Variants in PARD6G observed in about 807,000 individuals in gnomAD.
The protein encoded by PARD6G is partitioning defective 6 homolog gamma.
In PARD6G, 7 loss-of-function variants were observed where a neutral mutation model predicts 10.7. The ratio of observed to expected loss-of-function variants is 0.66; its 90% CI spans 0.37 to 1.23. The LOEUF (loss-of-function observed/expected upper bound fraction) is 1.23. Among genes scored for constraint, PARD6G ranks in the 50% most tolerant of loss-of-function variants. The pLI is 0.02. For missense variants in PARD6G, 548 were observed against 571.8 expected, an observed-to-expected ratio of 0.96 and a Z score of 0.42; for synonymous variants, 287 against 269.4, an observed-to-expected ratio of 1.07 and a Z score of -0.64.
chr18:80,163,527 G>T (rs907941052), intron 2 of PARD6G, among the ~76,000 whole-genome samples: 8 of 152,150 alleles, frequency 5.3e-5, no homozygotes, highest in African/African-American at 9.7e-5. Flanking sequence ...CATCCCGGGA[G>T]CCCCACCCCT....
At chr18:80,178,874 A>G (rs1383567265) in intron 2 of PARD6G, among the ~76,000 whole-genome samples, 1 of 152,102 alleles carries the variant, frequency 6.6e-6, no homozygotes, top group African/African-American at 2.4e-5. Flanking sequence ...AACAGTGTGA[A>G]GGTGTCAAGC....
chr18:80,238,491 C>CAA (rs537780246), intron 1 of PARD6G, among the ~76,000 whole-genome samples: 2,151 of 131,620 alleles, frequency 0.016, 52 homozygotes, highest in African/African-American at 0.059. Context: ...TAAAGTATAA[C>CAA]AAAAAAAAAA....
chr18:80,203,498 C>A (rs965421287), intron 1 of PARD6G, among the ~76,000 whole-genome samples: 1 of 152,154 alleles, frequency 6.6e-6, no homozygotes, highest in African/African-American at 2.4e-5. Context: ...GTCATCAACA[C>A]AGATGAATAT....
At chr18:80,208,699 TC>T (rs1343553511) in intron 1 of PARD6G, among the ~76,000 whole-genome samples, 1 of 151,908 alleles carries the variant, frequency 6.6e-6, no homozygotes, top group African/African-American at 2.4e-5. Context: ...GCCCAGGAGT[TC>T]CAGGTCAGCC....
intron 1 of PARD6G, among the ~76,000 whole-genome samples, chr18:80,226,471 T>G (rs1366004455): frequency 6.6e-6 from 1 of 152,192 alleles, no homozygotes; most frequent in Non-Finnish European, 1.5e-5. Flanking sequence ...GCTTTTAATG[T>G]GCCCTTCTAG....
At position 80,247,009 on chromosome 18, in the gene PARD6G, G is replaced by A. The variant is rs999185406; in HGVS notation, c.72+268C>T. Among the ~76,000 whole-genome samples, 11 of 152,118 alleles carry A rather than the reference G, an allele frequency of 7.2e-5. No individual in the cohort carries two copies. Among genetic ancestry groups the A allele is most frequent in the African/African-American group, 2.4e-5 (1 of 41,432 alleles). ...CTCGTGGAACAAAAGAGCAGCTCCCGCGGAGCGGGTCCAGAGTCTGCCCGG... is the reference window on the plus strand; with the variant it reads ...CTCGTGGAACAAAAGAGCAGCTCCCACGGAGCGGGTCCAGAGTCTGCCCGG... On this transcript the variant is annotated intron_variant, in intron 1 of 2. Coordinates refer to ENST00000353265, the MANE Select transcript of PARD6G (RefSeq NM_032510.4). This position sits in a 1 kb window ranked among gnomAD's most constrained non-coding sequence, Gnocchi z 4.2.
At position 80,177,084 on chromosome 18, in the gene PARD6G, A is replaced by G. The variant is rs72980311; in HGVS notation, c.296-16478T>C. The stretch of plus-strand genomic sequence containing the variant: ...ATCACAGCCCAAATGGAAAGCGCGC[A>G]CACACACACACACGGGATAAATCAC... On this transcript the variant is annotated intron_variant, in intron 2 of 2. Coordinates refer to ENST00000353265, the MANE Select transcript of PARD6G (RefSeq NM_032510.4). Among the ~76,000 whole-genome samples, 1,366 of 149,262 alleles carry G rather than the reference A, an allele frequency of 9.2e-3. 12 individuals carry two copies. Among genetic ancestry groups the G allele is most frequent in the Admixed American group, 0.021 (320 of 14,944 alleles).
At position 80,229,155 on chromosome 18, in the gene PARD6G, G is replaced by A. The variant is rs770451724; in HGVS notation, c.72+18122C>T. Among the ~76,000 whole-genome samples the A allele has an allele frequency of 2.6e-5, 4 of 152,244 alleles. No homozygotes were observed. In the South Asian group the frequency reaches 8.3e-4, roughly 32 times the overall value. On this transcript the variant is annotated intron_variant, in intron 1 of 2. Coordinates refer to ENST00000353265, the MANE Select transcript of PARD6G (RefSeq NM_032510.4). ...GGGTTTCACCATGTTGGCCAGGCTG[G>A]TCTTGCACTCCTGACCTTGTGATCC...
intron 2 of PARD6G, among the ~76,000 whole-genome samples, chr18:80,185,792 C>T (rs1030865689): frequency 7.1e-6 from 1 of 140,990 alleles, no homozygotes; most frequent in African/African-American, 2.6e-5. Flanking sequence ...GCTCGCACAC[C>T]CTCACACACG....
chr18:80,204,825 C>T (rs1967040519), intron 1 of PARD6G, among the ~76,000 whole-genome samples: 1 of 152,084 alleles, frequency 6.6e-6, no homozygotes, highest in Admixed American at 6.6e-5. Flanking sequence ...GTGGCACACA[C>T]CAGTAATCCC....
At chr18:80,213,907 G>C (rs552811396) in intron 1 of PARD6G, among the ~76,000 whole-genome samples, 2 of 137,872 alleles carry the variant, frequency 1.5e-5, no homozygotes, top group East Asian at 4.2e-4. Context: ...GCAATGAGCC[G>C]AGATCATGCC....
chr18:80,211,075 T>C (rs982662470), intron 1 of PARD6G, among the ~76,000 whole-genome samples: 1 of 152,216 alleles, frequency 6.6e-6, no homozygotes, highest in Non-Finnish European at 1.5e-5. Context: ...AGCATTTTTT[T>C]CTTTTTTTTT....
Position 80,159,946 on chromosome 18 carries a change from G to A in PARD6G, c.956C>T (p.Pro319Leu). The change falls in exon 3 of 3, where the codon CCC becomes CTC. Residue 319 changes from proline (P) to leucine (L), a missense_variant. By Grantham distance (98) the Pro-to-Leu change is moderately conservative. Coordinates refer to ENST00000353265, the MANE Select transcript of PARD6G (RefSeq NM_032510.4). ...PARPPQTPGAPAGSLSRVNGA... is the reference protein window; with the variant it reads ...PARPPQTPGALAGSLSRVNGA... The stretch of plus-strand genomic sequence containing the variant: ...ATTGACCCGGGAGAGGCTGCCTGCG[G>A]GCGCGCCCGGGGTCTGGGGGGGACG... 1 of 1,498,358 alleles carries A rather than the reference G, an allele frequency of 6.7e-7. No individual in the cohort carries two copies. Among genetic ancestry groups the A allele is most frequent in the Non-Finnish European group, 8.8e-7 (1 of 1,133,116 alleles). 92.8% of individuals were successfully genotyped at this position (1,498,358 alleles called of 1,614,324 possible).
At chr18:80,224,574 G>A (rs1343780481) in intron 1 of PARD6G, among the ~76,000 whole-genome samples, 1 of 152,202 alleles carries the variant, frequency 6.6e-6, no homozygotes, top group Non-Finnish European at 1.5e-5. Flanking sequence ...AAGGCCGGGT[G>A]CGGTGGCTCA....
At position 80,182,340 on chromosome 18, in the gene PARD6G, A is replaced by G. The variant is rs1011609811; in HGVS notation, c.295+20370T>C. Among the ~76,000 whole-genome samples the G allele has an allele frequency of 6.6e-6, 1 of 152,228 alleles. No homozygotes were observed. The highest frequency in any genetic ancestry group is 1.5e-5 in the Non-Finnish European group (1 of 68,034). On this transcript the variant is annotated intron_variant, in intron 2 of 2. Coordinates refer to ENST00000353265, the MANE Select transcript of PARD6G (RefSeq NM_032510.4). The surrounding 1 kb of genome is among the most constrained non-coding windows in gnomAD (Gnocchi z 4.5). ...GCTCCTGCCCCCAGTATCCACAAGG[A>G]GGGACAAACTCTCACATGGACAGTG...
At chr18:80,227,130 A>T (rs1599873811) in intron 1 of PARD6G, among the ~76,000 whole-genome samples, 1 of 152,276 alleles carries the variant, frequency 6.6e-6, no homozygotes, top group South Asian at 2.1e-4. Flanking sequence ...CTAATTAAAA[A>T]ATATATATGT....
At chr18:80,193,956 A>G (rs1195121134) in intron 2 of PARD6G, among the ~76,000 whole-genome samples, 2 of 152,226 alleles carry the variant, frequency 1.3e-5, no homozygotes, top group African/African-American at 4.8e-5. Flanking sequence ...GGTGACCTCC[A>G]GGCTGAATCA....
chr18:80,230,890 G>A (rs1967350897), intron 1 of PARD6G, among the ~76,000 whole-genome samples: 3 of 152,188 alleles, frequency 2.0e-5, no homozygotes, highest in Non-Finnish European at 4.4e-5. Context: ...AGGTGTCACT[G>A]TTCCCACTTT....
chr18:80,233,920 G>A (rs574101061), intron 1 of PARD6G, among the ~76,000 whole-genome samples: 7 of 152,280 alleles, frequency 4.6e-5, no homozygotes, highest in Admixed American at 1.3e-4. Context: ...TAGGAGGAGC[G>A]GAGAGATTCA....
Sources: gnomAD v4.1 joint callset for allele counts (sites outside exome capture counted in the v4.1 genomes callset) on GRCh38, gnomAD v4.1.1 for gene constraint, Gnocchi (gnomAD v3.1) non-coding constraint, MANE v1.5 for transcripts, NCBI Gene and HGNC (gene_info 2026-07-23, HGNC 2026-07-21) for gene names.